SEZ6: variants seen among roughly 807,000 people sequenced by gnomAD.
The protein encoded by SEZ6 is seizure related 6 homolog.
Under a neutral mutation model 101.0 loss-of-function variants are expected in SEZ6, and 53 were observed. That is an observed-to-expected ratio of 0.52 (90% CI 0.42 to 0.66). SEZ6 has a LOEUF of 0.66. Ranked by LOEUF, SEZ6 falls within the 30% of genes least tolerant of loss-of-function variation. SEZ6 has a pLI of 0.00. For missense variants in SEZ6, 1,102 were observed against 1,289.4 expected, an observed-to-expected ratio of 0.85 and a Z score of 2.23; for synonymous variants, 488 against 512.2, an observed-to-expected ratio of 0.95 and a Z score of 0.64.
chr17:28,999,402 G>T (rs1400052375), intron 1 of SEZ6, among the ~76,000 whole-genome samples: 1 of 152,070 alleles, frequency 6.6e-6, no homozygotes, highest in Non-Finnish European at 1.5e-5. Flanking sequence ...GATGGACCCA[G>T]CCAGGACTTC....
At chr17:28,970,018 G>C in intron 3 of SEZ6, 66 bp from the exon 4 acceptor site, 1 of 1,428,564 alleles carries the variant, frequency 7.0e-7, no homozygotes, top group East Asian at 2.7e-5. Context: ...GGATCCTGCC[G>C]CCCTCAGGAT....
chr17:29,004,279 G>A (rs1031899943), intron 1 of SEZ6, among the ~76,000 whole-genome samples: 1 of 152,184 alleles, frequency 6.6e-6, no homozygotes, highest in African/African-American at 2.4e-5. Context: ...GCTGTCCAGC[G>A]CCAGGACCCA....
At chr17:28,993,998 GGGA>G (rs2041502346) in intron 1 of SEZ6, among the ~76,000 whole-genome samples, 2 of 152,240 alleles carry the variant, frequency 1.3e-5, no homozygotes, top group Admixed American at 6.5e-5. Flanking sequence ...TGCTGCATCT[GGGA>G]GGAGATGAAG....
intron 1 of SEZ6, among the ~76,000 whole-genome samples, chr17:28,993,158 T>C (rs1429983372): frequency 1.3e-5 from 2 of 152,082 alleles, no homozygotes; most frequent in African/African-American, 2.4e-5. Flanking sequence ...ATCAATCTGC[T>C]GTACCTCACC....
intron 4 of SEZ6, among the ~76,000 whole-genome samples, chr17:28,966,413 G>A (rs1401043688): frequency 6.6e-6 from 1 of 151,552 alleles, no homozygotes; most frequent in African/African-American, 2.4e-5. Context: ...AACTCGGGAG[G>A]CAGAGGTTGC....
At chr17:28,982,452 G>A (rs2041322104) in intron 1 of SEZ6, among the ~76,000 whole-genome samples, 3 of 152,164 alleles carry the variant, frequency 2.0e-5, no homozygotes, top group Admixed American at 2.0e-4. Flanking sequence ...GAAAGGAAGT[G>A]ACTTGCTCAA....
At chr17:29,001,306 A>G (rs1441795211) in intron 1 of SEZ6, among the ~76,000 whole-genome samples, 4 of 152,198 alleles carry the variant, frequency 2.6e-5, no homozygotes, top group Non-Finnish European at 4.4e-5. Flanking sequence ...TGGGTGAACA[A>G]AACAGACTTG....
intron 1 of SEZ6, among the ~76,000 whole-genome samples, chr17:28,992,239 ATCC>A (rs1224575830): frequency 6.6e-6 from 1 of 152,212 alleles, no homozygotes; most frequent in Non-Finnish European, 1.5e-5. Flanking sequence ...GGCAAAGTGA[ATCC>A]TCCTAGTTCA....
intron 7 of SEZ6, 114 bp from the exon 8 acceptor site, chr17:28,960,006 A>G (rs2040950477): frequency 3.5e-6 from 4 of 1,144,866 alleles, no homozygotes; most frequent in Non-Finnish European, 4.9e-6. Context: ...CGAATGACAA[A>G]TATATGTCCT....
At chr17:29,000,402 G>A (rs1368664456) in intron 1 of SEZ6, among the ~76,000 whole-genome samples, 2 of 152,182 alleles carry the variant, frequency 1.3e-5, no homozygotes, top group African/African-American at 4.8e-5. Context: ...ATCTTACTGC[G>A]AGTACTAAAT....
At chr17:28,968,390 C>A (rs1285642344) in intron 4 of SEZ6, among the ~76,000 whole-genome samples, 1 of 152,226 alleles carries the variant, frequency 6.6e-6, no homozygotes, top group East Asian at 1.9e-4. Context: ...GCCTCCAGCT[C>A]ACTGCCATTC....
intron 1 of SEZ6, among the ~76,000 whole-genome samples, chr17:28,984,560 G>A (rs1200258020): frequency 6.6e-6 from 1 of 152,246 alleles, no homozygotes; most frequent in Non-Finnish European, 1.5e-5. Context: ...CAATGGAGCA[G>A]CACTAATGGG....
intron 11 of SEZ6, 100 bp downstream of exon 11, chr17:28,957,847 G>T: frequency 7.4e-7 from 1 of 1,349,638 alleles, no homozygotes; most frequent in Non-Finnish European, 1.0e-6. Flanking sequence ...AAGGAACTTT[G>T]AAGATACTAG....
chr17:28,982,078 T>G (rs1228897984), intron 1 of SEZ6, 39 bp from the exon 2 acceptor site: 1 of 1,530,672 alleles, frequency 6.5e-7, no homozygotes, highest in Admixed American at 1.9e-5. Context: ...CTCCCCCTGC[T>G]CCAGAGAGCA....
intron 3 of SEZ6, among the ~76,000 whole-genome samples, chr17:28,979,290 C>T (rs1313747453): frequency 6.6e-6 from 1 of 152,150 alleles, no homozygotes; most frequent in Non-Finnish European, 1.5e-5. Flanking sequence ...ATCCCAGAAG[C>T]CAGCACAGAA....
intron 1 of SEZ6, among the ~76,000 whole-genome samples, chr17:28,991,735 G>A (rs551626422): frequency 1.2e-3 from 185 of 152,262 alleles, no homozygotes; most frequent in African/African-American, 4.2e-3. Flanking sequence ...GGACTTCTTC[G>A]AGTTTTTCAG....
chr17:28,993,818 C>T, intron 1 of SEZ6, among the ~76,000 whole-genome samples: 1 of 152,238 alleles, frequency 6.6e-6, no homozygotes, highest in East Asian at 1.9e-4. Flanking sequence ...GTTCAAAAGG[C>T]CACACCACTG....
chr17:28,981,778 G>A lies in SEZ6; in HGVS notation c.317C>T (p.Pro106Leu), dbSNP rs2041309851. The change falls in exon 2 of 17, where the codon CCC becomes CTC. Residue 106 changes from proline (P) to leucine (L), a missense_variant. Physicochemically the swap from Pro to Leu is moderately conservative, Grantham distance 98. Transcript: ENST00000317338. ...GTCCTGGTTGGCCAGGCGGGGAAGG[G>A]GACTTGGGGTGAAGGGTGCAGGTGG... ...PDPPAPFTPSPLPRLANQDSR... is the reference protein window; with the variant it reads ...PDPPAPFTPSLLPRLANQDSR... The A allele has an allele frequency of 6.2e-7, 1 of 1,612,782 alleles. No homozygotes were observed. The highest frequency in any genetic ancestry group is 8.5e-7 in the Non-Finnish European group (1 of 1,179,042).
chr17:28,963,127 GAAAAAAA>G (rs61378133), intron 5 of SEZ6, among the ~76,000 whole-genome samples: 1 of 110,300 alleles, frequency 9.1e-6, no homozygotes, highest in Non-Finnish European at 2.1e-5. Context: ...CCGTCTCGAA[GAAAAAAA>G]AAAAAAAAAA....
Sources: allele counts gnomAD v4.1 joint callset (sites outside exome capture counted in the v4.1 genomes callset), GRCh38; gene constraint gnomAD v4.1.1; transcripts MANE v1.5; gene names NCBI Gene and HGNC (gene_info 2026-07-23, HGNC 2026-07-21).